Variants in TRIM5 observed in about 807,000 individuals in gnomAD.
TRIM5 encodes tripartite motif-containing protein 5.
In TRIM5, 31 loss-of-function variants were observed where a neutral mutation model predicts 35.6. That is an observed-to-expected ratio of 0.87 (90% confidence interval 0.65 to 1.18). The LOEUF (loss-of-function observed/expected upper bound fraction) is 1.18. Ranked by LOEUF, TRIM5 falls within the 50% of genes most tolerant of loss-of-function variation. TRIM5 has a pLI of 0.00. For missense variants in TRIM5, 609 were observed against 591.6 expected, an observed-to-expected ratio of 1.03 and a Z score of -0.31; for synonymous variants, 243 against 215.6, an observed-to-expected ratio of 1.13 and a Z score of -1.11.
At chr11:5,612,847 A>C in the TRIM5 span, 8 of 152,192 alleles carry the variant, frequency 5.3e-5, no homozygotes, top group African/African-American at 1.9e-4. Flanking sequence ...TCAAATACCT[A>C]CTTCAAAAAA....
chr11:5,646,132 C>A, the TRIM5 span, among the ~76,000 whole-genome samples: 1 of 150,688 alleles, frequency 6.6e-6, no homozygotes, highest in South Asian at 2.1e-4. Flanking sequence ...CGTACACACA[C>A]ACATATCCCC....
chr11:5,632,199 A>G, the TRIM5 span: 1 of 1,523,268 alleles, frequency 6.6e-7, no homozygotes, highest in Non-Finnish European at 8.8e-7. Context: ...TGTCTGTGCA[A>G]TTAGAATGCT....
the TRIM5 span, among the ~76,000 whole-genome samples, chr11:5,625,391 T>C: frequency 6.6e-6 from 1 of 152,176 alleles, no homozygotes; most frequent in Non-Finnish European, 1.5e-5. Context: ...TCTCTCTCTT[T>C]CTCTCTCTCA....
chr11:5,607,265 T>G, the TRIM5 span, among the ~76,000 whole-genome samples: 34,658 of 152,032 alleles, frequency 0.23, 4,158 homozygotes, highest in African/African-American at 0.26. Flanking sequence ...AAAGCCAACA[T>G]AAGAGAAGTA....
chr11:5,681,838 G>A (rs61338939), intron 1 of TRIM5, among the ~76,000 whole-genome samples: 10,867 of 111,144 alleles, frequency 0.098, 480 homozygotes, highest in Non-Finnish European at 0.12. Context: ...TTGCTCTGTC[G>A]CCCAGGCTGG....
the TRIM5 span, chr11:5,613,017 T>A: frequency 2.6e-5 from 4 of 152,232 alleles, no homozygotes; most frequent in African/African-American, 9.6e-5. Context: ...GTGGCTTACA[T>A]TGTATTTCTA....
At chr11:5,626,031 T>C in the TRIM5 span, among the ~76,000 whole-genome samples, 1 of 152,240 alleles carries the variant, frequency 6.6e-6, no homozygotes, top group African/African-American at 2.4e-5. Flanking sequence ...GTTACAGATA[T>C]TCTGACACAT....
downstream of TRIM5, among the ~76,000 whole-genome samples, chr11:5,661,105 T>C (rs567227252): frequency 9.2e-5 from 13 of 140,986 alleles, no homozygotes; most frequent in South Asian, 2.8e-3. Flanking sequence ...GATATATGTT[T>C]AGGCATATTA....
chr11:5,647,532 C>T, the TRIM5 span, among the ~76,000 whole-genome samples: 6 of 152,056 alleles, frequency 3.9e-5, no homozygotes, highest in Non-Finnish European at 8.8e-5. Flanking sequence ...AATGAGACAT[C>T]ATTTTTTTGA....
chr11:5,657,606 ATT>A, the TRIM5 span, among the ~76,000 whole-genome samples: 1 of 105,046 alleles, frequency 9.5e-6, no homozygotes, highest in African/African-American at 3.5e-5. Context: ...TATAATATAT[ATT>A]TATATATTAT....
At chr11:5,642,514 G>A in the TRIM5 span, 26 of 1,612,932 alleles carry the variant, frequency 1.6e-5, no homozygotes, top group Non-Finnish European at 2.1e-5. Context: ...GAGGTGAGGA[G>A]AAGCAGACAA....
chr11:5,598,150 C>T, the TRIM5 span, among the ~76,000 whole-genome samples: 1 of 152,166 alleles, frequency 6.6e-6, no homozygotes, highest in African/African-American at 2.4e-5. Context: ...GTCAGAATGC[C>T]TTCTCTCAGC....
chr11:5,644,833 G>A, the TRIM5 span, among the ~76,000 whole-genome samples: 317 of 152,252 alleles, frequency 2.1e-3, 4 homozygotes, highest in African/African-American at 7.4e-3. Flanking sequence ...AGTGTTGGAG[G>A]TGGGGCCTGG....
At chr11:5,594,694 A>G in the TRIM5 span, among the ~76,000 whole-genome samples, 1 of 152,148 alleles carries the variant, frequency 6.6e-6, no homozygotes. Context: ...ACTTCCATTT[A>G]TATCAGCTCT....
At chr11:5,643,272 T>A in the TRIM5 span, 1 of 1,614,104 alleles carries the variant, frequency 6.2e-7, no homozygotes, top group Non-Finnish European at 8.5e-7. Context: ...ATCCCAATAT[T>A]TCTCCTCTGG....
chr11:5,601,550 G>A, the TRIM5 span, among the ~76,000 whole-genome samples: 1 of 152,144 alleles, frequency 6.6e-6, no homozygotes, highest in African/African-American at 2.4e-5. Context: ...TTGAGGTCAG[G>A]AGTTCGAGAT....
At chr11:5,598,429 T>C in the TRIM5 span, among the ~76,000 whole-genome samples, 2 of 152,116 alleles carry the variant, frequency 1.3e-5, no homozygotes, top group African/African-American at 2.4e-5. Context: ...CAGCGCATAT[T>C]AGATAGGAAA....
At chr11:5,645,876 A>T in the TRIM5 span, 1 of 147,244 alleles carries the variant, frequency 6.8e-6, no homozygotes, top group Non-Finnish European at 1.2e-5. Flanking sequence ...GGAAAAAAAA[A>T]AAAAATATAT....
intron 5 of TRIM5, 31 bp from the exon 6 acceptor site, chr11:5,666,112 C>A: frequency 8.8e-6 from 12 of 1,364,800 alleles, no homozygotes; most frequent in Non-Finnish European, 1.1e-5. Context: ...AAAAAACTTC[C>A]AAACCTTTGA....
Sources: gnomAD v4.1 joint callset for allele counts (sites outside exome capture counted in the v4.1 genomes callset) on GRCh38, gnomAD v4.1.1 for gene constraint, MANE v1.5 for transcripts, NCBI Gene and HGNC (gene_info 2026-07-23, HGNC 2026-07-21) for gene names.